Variants in METAP1 observed in about 807,000 individuals in gnomAD.
METAP1 encodes methionyl aminopeptidase 1.
METAP1 carries 28 observed loss-of-function variants against 53.8 expected under a neutral mutation model. The observed-to-expected ratio is 0.52, with a 90% CI of 0.39 to 0.71. METAP1 has a LOEUF of 0.71. Among genes scored for constraint, METAP1 ranks in the 30% least tolerant of loss-of-function variants. The pLI, the probability that METAP1 is intolerant of heterozygous loss-of-function variation, is 0.00. For synonymous variants in METAP1, 181 were observed against 165.7 expected (o/e 1.09, Z -0.71); for missense variants, 389 against 479.8 (o/e 0.81, Z 1.77).
chr4:98,997,343 C>A (rs1003583578), intron 1 of METAP1: 1 of 152,864 alleles, frequency 6.5e-6, no homozygotes, highest in Non-Finnish European at 1.5e-5. Flanking sequence ...GAAAAACTTG[C>A]ACGTGGAGGA....
At chr4:98,995,927 C>G (rs894181551) in intron 1 of METAP1, 60 bp downstream of exon 1, 8 of 1,328,658 alleles carry the variant, frequency 6.0e-6, no homozygotes, top group African/African-American at 1.5e-5. Context: ...CGCTTCTCCC[C>G]TGCTGGCTCC....
At chr4:99,028,289 T>C (rs897338993) in intron 1 of METAP1, among the ~76,000 whole-genome samples, 3 of 152,182 alleles carry the variant, frequency 2.0e-5, no homozygotes, top group Non-Finnish European at 4.4e-5. Flanking sequence ...ATGAAAAGTC[T>C]TTCTAGTTAC....
In METAP1 at chr4:99,057,837, A is replaced by G. The variant is rs201543950; in HGVS notation, c.997+19A>G. The stretch of plus-strand genomic sequence containing the variant: ...TGTGAAGGTGAGAAAAAAGGATGCC[A>G]TGATATTTTTCAATTGAATTTATAT... On this transcript the variant is annotated intron_variant, in intron 10 of 10. Coordinates refer to ENST00000296411, the MANE Select transcript of METAP1 (RefSeq NM_015143.3). The G allele has an allele frequency of 2.3e-4, 364 of 1,570,274 alleles. No individual in the cohort carries two copies. The highest frequency in any genetic ancestry group is 3.4e-4 in the Middle Eastern group (2 of 5,918).
Position 99,028,942 on chromosome 4 carries a change from C to T in METAP1, c.166+24C>T, listed in dbSNP as rs773418353. The T allele has an allele frequency of 2.7e-6, 4 of 1,482,262 alleles. No homozygotes were observed. In the South Asian group the frequency reaches 3.8e-5, roughly 14 times the overall value. The allele number at this position is 1,482,262 out of a possible 1,614,324, so 91.8% of individuals were successfully genotyped here. ...AAGTAAGTACAATCACAAATTTTTA[C>T]ACCATTTGTCTTAGAAGTGGCATTT... On this transcript the variant is annotated intron_variant, in intron 2 of 10. Transcript: ENST00000296411.
intron 3 of METAP1, 35 bp from the exon 4 acceptor site, chr4:99,035,365 G>A (rs924585963): frequency 6.8e-6 from 10 of 1,464,394 alleles, no homozygotes; most frequent in South Asian, 3.7e-5. Flanking sequence ...TTTATTTTTC[G>A]TTGGTAAATC....
rs936689325 is a variant in METAP1, at chr4:99,043,171, T to G, written c.517-78T>G. ...TAGCATGTGTCCAACTGTTTTCACA[T>G]TTTTCAAATTTTAAAATCTGTAATT... On this transcript the variant is annotated intron_variant, in intron 6 of 10. Coordinates refer to ENST00000296411, the MANE Select transcript of METAP1 (RefSeq NM_015143.3). The G allele has an allele frequency of 1.5e-5, 17 of 1,133,290 alleles. No homozygotes were observed. The Admixed American group carries it at 3.7e-4, about 25-fold the overall frequency. 70.2% of individuals were successfully genotyped at this position (1,133,290 alleles called of 1,614,324 possible).
At chr4:99,009,383 A>G (rs1723356362) in intron 1 of METAP1, among the ~76,000 whole-genome samples, 1 of 152,212 alleles carries the variant, frequency 6.6e-6, no homozygotes, top group African/African-American at 2.4e-5. Flanking sequence ...ATCTATACTC[A>G]GAAGTGGGAT....
chr4:99,060,416 T>C (rs1194777149), intron 10 of METAP1, among the ~76,000 whole-genome samples: 1 of 137,904 alleles, frequency 7.3e-6, no homozygotes, highest in African/African-American at 2.6e-5. Flanking sequence ...CAGGCTGGAA[T>C]GCAGTGGCGC....
chr4:99,010,281 C>T (rs951075454), intron 1 of METAP1, among the ~76,000 whole-genome samples: 1 of 152,116 alleles, frequency 6.6e-6, no homozygotes, highest in Non-Finnish European at 1.5e-5. Context: ...TGGTGAAACC[C>T]TTTCTCTACA....
At chr4:99,010,294 G>T (rs1723403535) in intron 1 of METAP1, among the ~76,000 whole-genome samples, 1 of 152,062 alleles carries the variant, frequency 6.6e-6, no homozygotes, top group Non-Finnish European at 1.5e-5. Flanking sequence ...TCTCTACAAA[G>T]AATACAAAAA....
intron 1 of METAP1, 51 bp from the exon 2 acceptor site, chr4:99,028,816 G>T: frequency 7.5e-7 from 1 of 1,328,274 alleles, no homozygotes; most frequent in Non-Finnish European, 1.0e-6. Context: ...TCCTTAAAAT[G>T]TTTCTTATTA....
At chr4:98,995,998 T>TC (rs1340495877) in intron 1 of METAP1, 131 bp downstream of exon 1, 7 of 721,914 alleles carry the variant, frequency 9.7e-6, no homozygotes, top group Admixed American at 2.4e-5. Context: ...CGTTTCCTCC[T>TC]CCCCCCACCC....
At chr4:99,033,872 A>G (rs1392756348) in intron 2 of METAP1, among the ~76,000 whole-genome samples, 1 of 152,208 alleles carries the variant, frequency 6.6e-6, no homozygotes, top group African/African-American at 2.4e-5. Flanking sequence ...TATGTTTCAT[A>G]TTTTAAAATG....
In METAP1 at chr4:99,061,336, A is replaced by G. The variant is rs1022319708; in HGVS notation, c.*19A>G. 3 of 1,602,102 alleles carry G rather than the reference A, an allele frequency of 1.9e-6. No individual in the cohort carries two copies. The highest frequency in any genetic ancestry group is 2.6e-6 in the Non-Finnish European group (3 of 1,171,600). On this transcript the variant is annotated 3_prime_UTR_variant, in exon 11 of 11. Coordinates refer to ENST00000296411, the MANE Select transcript of METAP1 (RefSeq NM_015143.3). ...ATTTTAATTTCTCCCAAGATGGCACATCTCAGTACCTTCTTACTGTGCTAT... is the reference window on the plus strand; with the variant it reads ...ATTTTAATTTCTCCCAAGATGGCACGTCTCAGTACCTTCTTACTGTGCTAT...
At chr4:99,001,750 G>A (rs766088443) in intron 1 of METAP1, among the ~76,000 whole-genome samples, 4 of 152,124 alleles carry the variant, frequency 2.6e-5, no homozygotes, top group Non-Finnish European at 4.4e-5. Flanking sequence ...ACTCAGGAAC[G>A]TATAATAATG....
intron 2 of METAP1, among the ~76,000 whole-genome samples, chr4:99,030,692 G>C (rs776997864): frequency 1.3e-5 from 2 of 151,952 alleles, no homozygotes; most frequent in African/African-American, 4.8e-5. Context: ...AGGAACCAAT[G>C]CATCTTTAAA....
At chr4:99,060,319 A>C (rs1727449680) in intron 10 of METAP1, among the ~76,000 whole-genome samples, 1 of 143,816 alleles carries the variant, frequency 7.0e-6, no homozygotes, top group Non-Finnish European at 1.5e-5. Context: ...GATTTTGACT[A>C]CTGTACTCTA....
chr4:99,052,752 A>G (rs1401051719), intron 9 of METAP1, among the ~76,000 whole-genome samples: 1 of 152,234 alleles, frequency 6.6e-6, no homozygotes, highest in East Asian at 1.9e-4. Flanking sequence ...ATAAGACAAC[A>G]AAGTGTGTCA....
chr4:99,046,474 A>AT (rs1726243468), intron 8 of METAP1, among the ~76,000 whole-genome samples: 1 of 152,184 alleles, frequency 6.6e-6, no homozygotes, highest in Admixed American at 6.5e-5. Context: ...CTGTTAATAA[A>AT]TGGGCAAACA....
Sources: allele counts gnomAD v4.1 joint callset (sites outside exome capture counted in the v4.1 genomes callset), GRCh38; gene constraint gnomAD v4.1.1; transcripts MANE v1.5; gene names NCBI Gene and HGNC (gene_info 2026-07-23, HGNC 2026-07-21).